INSC: variants seen among roughly 807,000 people sequenced by gnomAD.
INSC encodes INSC spindle orientation adaptor protein, also known as protein inscuteable homolog.
A neutral mutation model predicts 58.6 loss-of-function variants in INSC; 67 were observed. The observed-to-expected ratio is 1.14, with a 90% CI of 0.94 to 1.40. The LOEUF (loss-of-function observed/expected upper bound fraction) is 1.40. Among genes scored for constraint, INSC ranks in the 40% most tolerant of loss-of-function variants. The probability of loss-of-function intolerance (pLI) is 0.00; values close to 1 mark genes in which losing one functional copy is unlikely to be tolerated. For synonymous variants in INSC, 262 were observed against 276.1 expected, an observed-to-expected ratio of 0.95 and a Z score of 0.51; for missense variants, 714 against 692.0, an observed-to-expected ratio of 1.03 and a Z score of -0.36.
chr11:15,139,351 G>A (rs1266951874), intron 1 of INSC, among the ~76,000 whole-genome samples: 2 of 152,234 alleles, frequency 1.3e-5, no homozygotes, highest in Non-Finnish European at 2.9e-5. Context: ...TGGGCCCTGG[G>A]CCCAGTGGGA....
intron 6 of INSC, among the ~76,000 whole-genome samples, chr11:15,197,440 A>G (rs1850413490): frequency 3.3e-5 from 5 of 152,172 alleles, no homozygotes; most frequent in Admixed American, 3.3e-4. Flanking sequence ...ACAGTGATGC[A>G]GGAGCTGGGA....
chr11:15,216,520 A>C (rs566431295), intron 7 of INSC, among the ~76,000 whole-genome samples: 2 of 152,244 alleles, frequency 1.3e-5, no homozygotes, highest in African/African-American at 4.8e-5. Context: ...ATCACAATGT[A>C]GGTGCTCAGG....
intron 9 of INSC, among the ~76,000 whole-genome samples, chr11:15,233,255 A>G (rs1435939441): frequency 6.6e-6 from 1 of 152,222 alleles, no homozygotes; most frequent in African/African-American, 2.4e-5. Flanking sequence ...TTAATTGAAC[A>G]TCATCAAACA....
intron 7 of INSC, among the ~76,000 whole-genome samples, chr11:15,211,633 C>T (rs1465808075): frequency 2.0e-5 from 3 of 151,954 alleles, no homozygotes; most frequent in Non-Finnish European, 4.4e-5. Context: ...AAATATTCTC[C>T]TAATTTTCTT....
intron 1 of INSC, among the ~76,000 whole-genome samples, chr11:15,116,530 G>A (rs550218542): frequency 2.6e-4 from 39 of 152,264 alleles, no homozygotes; most frequent in African/African-American, 8.7e-4. Context: ...ACACTATACA[G>A]CGCTTGGAAG....
chr11:15,229,804 T>A (rs1851775397), intron 9 of INSC, among the ~76,000 whole-genome samples: 1 of 149,494 alleles, frequency 6.7e-6, no homozygotes, highest in South Asian at 2.1e-4. Flanking sequence ...CCTGATGTAA[T>A]CCCAGTACTT....
intron 6 of INSC, among the ~76,000 whole-genome samples, chr11:15,195,742 T>G (rs1244922956): frequency 6.6e-6 from 1 of 152,164 alleles, no homozygotes; most frequent in Non-Finnish European, 1.5e-5. Flanking sequence ...AAGGCCTGGG[T>G]TGGGACAAGA....
At chr11:15,150,949 G>GT (rs879723153) in intron 2 of INSC, among the ~76,000 whole-genome samples, 1 of 152,198 alleles carries the variant, frequency 6.6e-6, no homozygotes, top group Non-Finnish European at 1.5e-5. Context: ...CTATGCACCT[G>GT]TTTTTTCTTC....
intron 2 of INSC, among the ~76,000 whole-genome samples, chr11:15,158,275 C>A (rs1848887246): frequency 6.6e-6 from 1 of 151,376 alleles, no homozygotes; most frequent in African/African-American, 2.4e-5. Flanking sequence ...AAATCTACAT[C>A]CCTGATCATG....
intron 7 of INSC, among the ~76,000 whole-genome samples, chr11:15,202,466 A>G (rs1258476845): frequency 6.6e-6 from 1 of 152,112 alleles, no homozygotes; most frequent in Non-Finnish European, 1.5e-5. Flanking sequence ...TTATATGGCA[A>G]AATAGAGGAG....
chr11:15,230,767 G>A (rs747282597), intron 9 of INSC, among the ~76,000 whole-genome samples: 8 of 152,210 alleles, frequency 5.3e-5, no homozygotes, highest in Non-Finnish European at 7.3e-5. Context: ...TCCCTGGGGC[G>A]AGGGAGCTGG....
intron 1 of INSC, among the ~76,000 whole-genome samples, chr11:15,142,804 T>G (rs1202771084): frequency 6.6e-6 from 1 of 152,062 alleles, no homozygotes; most frequent in African/African-American, 2.4e-5. Context: ...TCTTTTTTTT[T>G]TTGTTTTTTT....
intron 5 of INSC, among the ~76,000 whole-genome samples, chr11:15,180,549 C>A (rs1849733709): frequency 6.6e-6 from 1 of 152,058 alleles, no homozygotes; most frequent in Non-Finnish European, 1.5e-5. Context: ...GGTGCTCCTA[C>A]TTCCCCAGCT....
chr11:15,235,746 C>A, intron 10 of INSC, 78 bp downstream of exon 10: 9 of 1,205,182 alleles, frequency 7.5e-6, no homozygotes, highest in Non-Finnish European at 8.6e-6. Flanking sequence ...TGTGTGAATG[C>A]CTGTGCAGGT....
chr11:15,245,833 T>C, intron 12 of INSC, 79 bp from the exon 13 acceptor site: 2 of 1,530,210 alleles, frequency 1.3e-6, no homozygotes, highest in Non-Finnish European at 8.9e-7. Context: ...GAAATGCACA[T>C]TTCAGGGTAG....
intron 2 of INSC, among the ~76,000 whole-genome samples, chr11:15,169,587 G>A (rs1225254461): frequency 8.4e-6 from 1 of 118,718 alleles, no homozygotes; most frequent in African/African-American, 3.0e-5. Context: ...TGTCACCCAG[G>A]CTGGAGTGTA....
upstream of INSC, chr11:15,112,591 A>AGAGTGTGT: frequency 2.8e-6 from 1 of 362,538 alleles, no homozygotes; most frequent in African/African-American, 4.3e-5. Flanking sequence ...GGTGGATGTG[A>AGAGTGTGT]GTGTGTGTGT....
chr11:15,172,915 G>A (rs906043474), intron 2 of INSC, among the ~76,000 whole-genome samples: 5 of 152,118 alleles, frequency 3.3e-5, no homozygotes, highest in Admixed American at 1.3e-4. Flanking sequence ...TATGGGGGGC[G>A]CAACTGAAGG....
At chr11:15,114,900 C>T (rs1352612580), upstream of INSC, 1 of 984,302 alleles carries the variant, frequency 1.0e-6, no homozygotes, top group South Asian at 4.7e-5. Flanking sequence ...GGCGGCCTCT[C>T]GGGCTGGGCC....
Sources: allele counts gnomAD v4.1 joint callset (sites outside exome capture counted in the v4.1 genomes callset), GRCh38; gene constraint gnomAD v4.1.1; transcripts MANE v1.5; gene names NCBI Gene and HGNC (gene_info 2026-07-23, HGNC 2026-07-21).